Variants in TBL1XR1 observed in about 807,000 individuals in gnomAD.
The protein encoded by TBL1XR1 is TBL1X/Y related 1, also known as F-box-like/WD repeat-containing protein TBL1XR1.
In TBL1XR1, 5 loss-of-function variants were observed where a neutral mutation model predicts 66.9. The ratio of observed to expected loss-of-function variants is 0.07; its 90% CI spans 0.04 to 0.16. The LOEUF (loss-of-function observed/expected upper bound fraction) is 0.16, where lower values mean the gene tolerates loss of function less well. TBL1XR1 is among the 10% of genes least tolerant of loss of function. The pLI, the probability that TBL1XR1 is intolerant of heterozygous loss-of-function variation, is 1.00. For missense variants in TBL1XR1, 238 were observed against 623.2 expected, an observed-to-expected ratio of 0.38 and a Z score of 6.58; for synonymous variants, 210 against 206.0, an observed-to-expected ratio of 1.02 and a Z score of -0.17.
chr3:177,173,044 G>T (rs532856407), intron 1 of TBL1XR1, among the ~76,000 whole-genome samples: 2 of 151,910 alleles, frequency 1.3e-5, no homozygotes, highest in Non-Finnish European at 2.9e-5. Flanking sequence ...AAAATTAGCC[G>T]GGCGTGGTGA....
intron 1 of TBL1XR1, among the ~76,000 whole-genome samples, chr3:177,168,243 G>C (rs1194459391): frequency 6.6e-6 from 1 of 150,788 alleles, no homozygotes; most frequent in Non-Finnish European, 1.5e-5. Context: ...ACTACTTGAA[G>C]TTAAAAAGAA....
chr3:177,110,037 C>T (rs1725366814), intron 1 of TBL1XR1, among the ~76,000 whole-genome samples: 1 of 152,150 alleles, frequency 6.6e-6, no homozygotes, highest in African/African-American at 2.4e-5. Flanking sequence ...TTTTTCTCTG[C>T]AGTATCGATT....
At chr3:177,141,777 T>C (rs571855902) in intron 1 of TBL1XR1, among the ~76,000 whole-genome samples, 1 of 152,344 alleles carries the variant, frequency 6.6e-6, no homozygotes, top group East Asian at 1.9e-4. Flanking sequence ...ACAGCAGCAC[T>C]ATTCACAATA....
chr3:177,152,984 TAAAA>T (rs936679635), intron 1 of TBL1XR1, among the ~76,000 whole-genome samples: 33 of 151,852 alleles, frequency 2.2e-4, no homozygotes, highest in African/African-American at 6.0e-4. Context: ...CTACTAAAAA[TAAAA>T]AAACTAGCTG....
chr3:177,089,172 G>C (rs1298617919), intron 2 of TBL1XR1, among the ~76,000 whole-genome samples: 2 of 152,124 alleles, frequency 1.3e-5, no homozygotes, highest in East Asian at 1.9e-4. Flanking sequence ...GAGTAAAAGA[G>C]GTGATTTACT....
chr3:177,191,026 G>T (rs553002158), intron 1 of TBL1XR1, among the ~76,000 whole-genome samples: 9 of 152,120 alleles, frequency 5.9e-5, no homozygotes, highest in Admixed American at 3.3e-4. Flanking sequence ...ACTGAAACTA[G>T]GCTATAAGAA....
intron 1 of TBL1XR1, among the ~76,000 whole-genome samples, chr3:177,173,920 C>T (rs1470409968): frequency 6.6e-6 from 1 of 151,860 alleles, no homozygotes; most frequent in East Asian, 1.9e-4. Context: ...ATTAACACTC[C>T]AATGTTATCA....
At chr3:177,154,453 A>G (rs1432410146) in intron 1 of TBL1XR1, among the ~76,000 whole-genome samples, 1 of 152,060 alleles carries the variant, frequency 6.6e-6, no homozygotes, top group Non-Finnish European at 1.5e-5. Context: ...CTGGAGTACA[A>G]TGGTACAATC....
intron 2 of TBL1XR1, among the ~76,000 whole-genome samples, chr3:177,082,733 A>G (rs1721557629): frequency 8.6e-5 from 2 of 23,324 alleles, no homozygotes; most frequent in Non-Finnish European, 1.7e-4. Context: ...TTTCTAAGAT[A>G]GAGATTATAT....
chr3:177,057,186 T>C (rs542015952), intron 3 of TBL1XR1, among the ~76,000 whole-genome samples: 1 of 152,356 alleles, frequency 6.6e-6, no homozygotes, highest in African/African-American at 2.4e-5. Context: ...TGCTGTGTTA[T>C]ACATCATGCC....
chr3:177,121,330 G>A (rs541265304), intron 1 of TBL1XR1, among the ~76,000 whole-genome samples: 3 of 152,130 alleles, frequency 2.0e-5, no homozygotes, highest in South Asian at 4.2e-4. Context: ...AACAGGATAC[G>A]GTAATTCATT....
chr3:177,027,817 A>G (rs1051231912), intron 14 of TBL1XR1: 2 of 152,194 alleles, frequency 1.3e-5, no homozygotes, highest in Non-Finnish European at 2.9e-5. Flanking sequence ...TGTTTACTTA[A>G]AATTTCTCAT....
chr3:177,079,333 T>G (rs2108597505), intron 2 of TBL1XR1: 1 of 151,214 alleles, frequency 6.6e-6, no homozygotes, highest in Non-Finnish European at 1.5e-5. Flanking sequence ...CTCGGGAGGC[T>G]GAAGCAGGAG....
intron 12 of TBL1XR1, 163 bp downstream of exon 12, chr3:177,037,935 A>C: frequency 1.7e-6 from 1 of 588,100 alleles, no homozygotes; most frequent in Non-Finnish European, 3.0e-6. Context: ...CAGAAAAGAA[A>C]CTATAAAATT....
chr3:177,186,878 G>T (rs1216971206), intron 1 of TBL1XR1, among the ~76,000 whole-genome samples: 1 of 152,108 alleles, frequency 6.6e-6, no homozygotes, highest in Non-Finnish European at 1.5e-5. Context: ...TTAAAAGTCA[G>T]GAGTTCGGCC....
chr3:177,035,493 C>A (rs950700008), intron 12 of TBL1XR1, among the ~76,000 whole-genome samples: 16 of 150,530 alleles, frequency 1.1e-4, no homozygotes, highest in Non-Finnish European at 1.9e-4. Flanking sequence ...TGGCTCACTG[C>A]AACTCCGTCC....
chr3:177,098,004 C>T (rs1723708546), intron 2 of TBL1XR1, among the ~76,000 whole-genome samples: 1 of 152,062 alleles, frequency 6.6e-6, no homozygotes, highest in Non-Finnish European at 1.5e-5. Flanking sequence ...GTCAGGGGTT[C>T]GAGACCAGCC....
chr3:177,192,194 G>C (rs1736232932), intron 1 of TBL1XR1, among the ~76,000 whole-genome samples: 1 of 151,952 alleles, frequency 6.6e-6, no homozygotes, highest in East Asian at 1.9e-4. Context: ...TCAAGAGATG[G>C]AGACCACATG....
intron 14 of TBL1XR1, among the ~76,000 whole-genome samples, chr3:177,029,086 G>A (rs1457193788): frequency 2.0e-5 from 3 of 150,810 alleles, no homozygotes; most frequent in African/African-American, 4.9e-5. Flanking sequence ...TCAGACCTCA[G>A]TGATATCTAT....
Sources: allele counts gnomAD v4.1 joint callset (sites outside exome capture counted in the v4.1 genomes callset), GRCh38; gene constraint gnomAD v4.1.1; transcripts MANE v1.5; gene names NCBI Gene and HGNC (gene_info 2026-07-23, HGNC 2026-07-21).